AUTS2: variants seen among roughly 807,000 people sequenced by gnomAD.
AUTS2 encodes activator of transcription and developmental regulator AUTS2, also known as autism susceptibility gene 2 protein.
Under a neutral mutation model 112.4 loss-of-function variants are expected in AUTS2, and 17 were observed. That is an observed-to-expected ratio of 0.15 (90% CI 0.10 to 0.23). AUTS2 has a LOEUF of 0.23. Among genes scored for constraint, AUTS2 ranks in the 10% least tolerant of loss-of-function variants. The probability of loss-of-function intolerance (pLI) is 1.00; values close to 1 mark genes in which losing one functional copy is unlikely to be tolerated. For missense variants in AUTS2, 1,510 were observed against 1,701.6 expected (o/e 0.89, Z 1.98); for synonymous variants, 751 against 702.7 (o/e 1.07, Z -1.09).
chr7:69,890,973 A>T (rs184396354), intron 1 of AUTS2, among the ~76,000 whole-genome samples: 1 of 152,352 alleles, frequency 6.6e-6, no homozygotes, highest in African/African-American at 2.4e-5. Context: ...GGTTTTTAAA[A>T]ACCAGCTTTA....
At chr7:70,098,867 T>C (rs1260991386) in intron 2 of AUTS2, among the ~76,000 whole-genome samples, 2 of 152,228 alleles carry the variant, frequency 1.3e-5, no homozygotes, top group African/African-American at 4.8e-5. Context: ...CACGCCCAGC[T>C]AATTTTTTAT....
At chr7:70,358,834 C>T (rs1453830191) in intron 4 of AUTS2, among the ~76,000 whole-genome samples, 1 of 152,218 alleles carries the variant, frequency 6.6e-6, no homozygotes, top group Non-Finnish European at 1.5e-5. Flanking sequence ...TAACCTCACA[C>T]TTCATGTCCT....
intron 5 of AUTS2, among the ~76,000 whole-genome samples, chr7:70,634,246 C>T (rs1367089093): frequency 1.3e-5 from 2 of 152,206 alleles, no homozygotes; most frequent in Non-Finnish European, 2.9e-5. Context: ...CAGGAGGCAT[C>T]TCCCTGTGAA....
chr7:70,304,717 C>CTTTTTTT (rs11464532), intron 4 of AUTS2, among the ~76,000 whole-genome samples: 3 of 101,312 alleles, frequency 3.0e-5, no homozygotes, highest in East Asian at 3.2e-4. Context: ...GGATTTTTAA[C>CTTTTTTT]TTTTTTTTTT....
rs535175106 is a variant in AUTS2, at chr7:70,081,985, TTTAAA to T, written c.523-36143_523-36139del. Among the ~76,000 whole-genome samples, 913 of 151,252 alleles carry T rather than the reference TTTAAA, an allele frequency of 6.0e-3. 6 individuals are homozygous for T. The highest frequency in any genetic ancestry group is 0.017 in the Middle Eastern group (5 of 292). On this transcript the variant is annotated intron_variant, in intron 2 of 18. Coordinates refer to ENST00000342771, the MANE Select transcript of AUTS2 (RefSeq NM_015570.4). ...GTGTGTGCGCGCGCCTGTGTGTGTGTTTAAATTAGATTTTTCTGTGAAGAGTGTGT... is the reference window on the plus strand; with the variant it reads ...GTGTGTGCGCGCGCCTGTGTGTGTGTTTAGATTTTTCTGTGAAGAGTGTGT...
chr7:70,288,797 T>C (rs572438300), intron 4 of AUTS2, among the ~76,000 whole-genome samples: 71 of 152,162 alleles, frequency 4.7e-4, no homozygotes, highest in Non-Finnish European at 8.8e-5. Flanking sequence ...AGAATGCATA[T>C]AAAATAGGGG....
At chr7:70,185,496 A>G (rs951468928) in intron 4 of AUTS2, among the ~76,000 whole-genome samples, 3 of 152,000 alleles carry the variant, frequency 2.0e-5, no homozygotes, top group Admixed American at 6.6e-5. Context: ...CACTTGTCTT[A>G]TTATTTGTGA....
chr7:69,845,111 C>T (rs1391333505), intron 1 of AUTS2, among the ~76,000 whole-genome samples: 1 of 152,164 alleles, frequency 6.6e-6, no homozygotes, highest in Admixed American at 6.5e-5. Context: ...TGTTAGAATT[C>T]ACCTTCAGGC....
intron 1 of AUTS2, among the ~76,000 whole-genome samples, chr7:69,664,186 T>A (rs1281192990): frequency 1.3e-5 from 2 of 152,194 alleles, no homozygotes; most frequent in Non-Finnish European, 2.9e-5. Flanking sequence ...TAGAGAGCAC[T>A]TTTTAATGAA....
chr7:70,047,964 T>C lies in AUTS2; in HGVS notation c.523-70168T>C, dbSNP rs768735471. Among the ~76,000 whole-genome samples the C allele has an allele frequency of 7.2e-5, 11 of 152,254 alleles. No individual in the cohort carries two copies. In the East Asian group the frequency reaches 2.1e-3, roughly 29 times the overall value. On this transcript the variant is annotated intron_variant, in intron 2 of 18. Coordinates refer to ENST00000342771, the MANE Select transcript of AUTS2 (RefSeq NM_015570.4). ...CAAGGAGAATATGGTAAATATTAAG[T>C]ACACTATTGGGAGCATGGGTCTGCT...
chr7:70,482,112 C>A (rs1048404943), intron 5 of AUTS2, among the ~76,000 whole-genome samples: 1 of 152,116 alleles, frequency 6.6e-6, no homozygotes, highest in East Asian at 1.9e-4. Context: ...GTTTTGATTT[C>A]TTTGAAGATA....
intron 2 of AUTS2, among the ~76,000 whole-genome samples, chr7:70,045,611 T>C (rs1801465678): frequency 6.6e-6 from 1 of 150,802 alleles, no homozygotes; most frequent in South Asian, 2.1e-4. Flanking sequence ...TATTTTATTT[T>C]ATTTTATTTA....
chr7:69,637,728 AT>A (rs1450053634), intron 1 of AUTS2, among the ~76,000 whole-genome samples: 1 of 152,208 alleles, frequency 6.6e-6, no homozygotes, highest in Non-Finnish European at 1.5e-5. Flanking sequence ...TATGAAAAAA[AT>A]ATTTGGATCT....
intron 2 of AUTS2, among the ~76,000 whole-genome samples, chr7:69,957,131 C>G (rs1183033267): frequency 6.6e-6 from 1 of 151,450 alleles, no homozygotes; most frequent in Non-Finnish European, 1.5e-5. Flanking sequence ...CTGCCTTGGC[C>G]CCCAGAAGTT....
intron 1 of AUTS2, among the ~76,000 whole-genome samples, chr7:69,816,533 G>A (rs1364893686): frequency 6.6e-6 from 1 of 152,174 alleles, no homozygotes; most frequent in Non-Finnish European, 1.5e-5. Context: ...GCTGTCTGCT[G>A]CGCTTTCTTG....
chr7:70,678,824 C>T (rs770684175), intron 5 of AUTS2, among the ~76,000 whole-genome samples: 2 of 152,156 alleles, frequency 1.3e-5, no homozygotes, highest in Non-Finnish European at 2.9e-5. Flanking sequence ...GCTTAGTCAT[C>T]ACCAGTCCTG....
intron 2 of AUTS2, among the ~76,000 whole-genome samples, chr7:69,927,077 C>T (rs1796046563): frequency 6.8e-6 from 1 of 147,322 alleles, no homozygotes; most frequent in East Asian, 2.0e-4. Flanking sequence ...CTTTATTCGT[C>T]CACAAGGCCG....
intron 2 of AUTS2, among the ~76,000 whole-genome samples, chr7:70,117,671 T>G (rs191502070): frequency 6.6e-6 from 1 of 152,302 alleles, no homozygotes; most frequent in Admixed American, 6.5e-5. Context: ...ACCCTCTGTA[T>G]TTTTTCTATG....
chr7:70,124,184 C>A (rs1196073897), intron 3 of AUTS2, among the ~76,000 whole-genome samples: 2 of 152,038 alleles, frequency 1.3e-5, no homozygotes, highest in African/African-American at 4.8e-5. Context: ...TGTTCTTTGC[C>A]CACTTTTTAA....
Sources: gnomAD v4.1 joint callset for allele counts (sites outside exome capture counted in the v4.1 genomes callset) on GRCh38, gnomAD v4.1.1 for gene constraint, MANE v1.5 for transcripts, NCBI Gene and HGNC (gene_info 2026-07-23, HGNC 2026-07-21) for gene names.